The following CCSER1 variants were observed in gnomAD, a reference collection of about 807,000 sequenced individuals.
CCSER1 encodes the protein serine-rich coiled-coil domain-containing protein 1.
CCSER1 carries 41 observed loss-of-function variants against 82.0 expected under a neutral mutation model. The ratio of observed to expected loss-of-function variants is 0.50; its 90% CI spans 0.39 to 0.65. The LOEUF (loss-of-function observed/expected upper bound fraction) is 0.65, where lower values mean the gene tolerates loss of function less well. Among genes scored for constraint, CCSER1 ranks in the 30% least tolerant of loss-of-function variants. CCSER1 has a pLI of 0.00. For missense variants in CCSER1, 1,119 were observed against 1,064.2 expected (o/e 1.05, Z -0.72); for synonymous variants, 414 against 383.9 (o/e 1.08, Z -0.92).
intron 5 of CCSER1, among the ~76,000 whole-genome samples, chr4:90,481,280 T>C (rs1765914686): frequency 6.6e-6 from 1 of 152,182 alleles, no homozygotes; most frequent in African/African-American, 2.4e-5. Context: ...GCTGAGACAA[T>C]GGGGTTTTCT....
chr4:90,368,930 C>T (rs1746821320), intron 3 of CCSER1, among the ~76,000 whole-genome samples: 1 of 151,772 alleles, frequency 6.6e-6, no homozygotes, highest in South Asian at 2.1e-4. Flanking sequence ...AATACAAACC[C>T]TTAACCATTT....
intron 7 of CCSER1, among the ~76,000 whole-genome samples, chr4:90,757,578 T>C (rs1414067043): frequency 6.6e-6 from 1 of 152,204 alleles, no homozygotes; most frequent in East Asian, 1.9e-4. Context: ...AATGAGACCC[T>C]GGTTCTACGT....
intron 10 of CCSER1, among the ~76,000 whole-genome samples, chr4:91,346,885 A>G (rs1465282192): frequency 6.6e-6 from 1 of 152,142 alleles, no homozygotes; most frequent in East Asian, 1.9e-4. Flanking sequence ...GTACCAGTCC[A>G]TTATCAGATA....
intron 1 of CCSER1, among the ~76,000 whole-genome samples, chr4:90,281,688 A>G (rs76472657): frequency 1.3e-5 from 2 of 151,952 alleles, no homozygotes; most frequent in Admixed American, 6.6e-5. Context: ...GTCTATTTTT[A>G]TCTGTATTAG....
chr4:90,611,306 A>C (rs1441558797), intron 5 of CCSER1, among the ~76,000 whole-genome samples: 1 of 152,066 alleles, frequency 6.6e-6, no homozygotes, highest in Non-Finnish European at 1.5e-5. Context: ...TTTGGTTGCA[A>C]ACACTTTATT....
At chr4:91,026,557 A>T (rs1445264436) in intron 9 of CCSER1, among the ~76,000 whole-genome samples, 1 of 152,128 alleles carries the variant, frequency 6.6e-6, no homozygotes, top group Non-Finnish European at 1.5e-5. Context: ...GAAATATGTG[A>T]CTAGAAACAC....
At chr4:90,792,191 T>C (rs1320825641) in intron 7 of CCSER1, among the ~76,000 whole-genome samples, 1 of 152,172 alleles carries the variant, frequency 6.6e-6, no homozygotes, top group East Asian at 1.9e-4. Flanking sequence ...TCTGCTTTTT[T>C]TTCTCTTGGA....
At chr4:90,233,969 A>C (rs1005168228) in intron 1 of CCSER1, among the ~76,000 whole-genome samples, 5 of 152,152 alleles carry the variant, frequency 3.3e-5, no homozygotes, top group African/African-American at 1.2e-4. Context: ...CTTAATCTTG[A>C]GATGTAATAA....
rs141587334 is a variant in CCSER1 at position 91,528,583 on chromosome 4, A to G, written c.2218-69989A>G. On this transcript the variant is annotated intron_variant, in intron 10 of 10. Coordinates refer to ENST00000509176, the MANE Select transcript of CCSER1 (RefSeq NM_001145065.2). The stretch of plus-strand genomic sequence containing the variant: ...GATGACAGATATGGCATACAGATAT[A>G]TATTTTACATTTCTATATCCAGCAC... Among the ~76,000 whole-genome samples the G allele has an allele frequency of 9.8e-5, 15 of 152,330 alleles. No individual in the cohort carries two copies. In the East Asian group the frequency reaches 2.9e-3, roughly 29 times the overall value.
chr4:90,767,471 C>T (rs1751420348), intron 7 of CCSER1, among the ~76,000 whole-genome samples: 1 of 152,058 alleles, frequency 6.6e-6, no homozygotes, highest in South Asian at 2.1e-4. Flanking sequence ...TTCCAGGTTG[C>T]ACATACTGAA....
intron 5 of CCSER1, among the ~76,000 whole-genome samples, chr4:90,512,926 G>T (rs942422767): frequency 3.9e-5 from 6 of 152,024 alleles, no homozygotes; most frequent in African/African-American, 4.8e-5. Flanking sequence ...TATAATTATT[G>T]AATTTATGGT....
intron 3 of CCSER1, among the ~76,000 whole-genome samples, chr4:90,353,995 C>T (rs758182106): frequency 5.3e-5 from 8 of 152,094 alleles, no homozygotes; most frequent in Non-Finnish European, 7.3e-5. Context: ...ATCTGCACGC[C>T]GTGTTCATTG....
intron 10 of CCSER1, among the ~76,000 whole-genome samples, chr4:91,535,436 G>A (rs1208428161): frequency 1.3e-5 from 1 of 75,774 alleles, no homozygotes; most frequent in Non-Finnish European, 2.5e-5. Context: ...ATGATGAGGT[G>A]AGGAGACGGA....
rs895092143 is a variant in CCSER1 at position 91,262,170 on chromosome 4, G to A, written c.2217+176176G>A. Among the ~76,000 whole-genome samples, 12 of 152,180 alleles carry A rather than the reference G, an allele frequency of 7.9e-5. No homozygotes were observed. In the East Asian group the frequency reaches 1.3e-3, roughly 17 times the overall value. ...GTCTGTTACCAAACTATTTGGGTTC[G>A]AATCTTAGCTTACAGGTTGTGGCTC... On this transcript the variant is annotated intron_variant, in intron 10 of 10. Transcript: ENST00000509176.
chr4:91,345,269 T>C (rs910558537), intron 10 of CCSER1, among the ~76,000 whole-genome samples: 5 of 151,946 alleles, frequency 3.3e-5, no homozygotes. Flanking sequence ...CGGGTGCTTC[T>C]CCAGCTGCTC....
intron 5 of CCSER1, among the ~76,000 whole-genome samples, chr4:90,627,686 A>C (rs1206570482): frequency 6.6e-6 from 1 of 152,074 alleles, no homozygotes; most frequent in Non-Finnish European, 1.5e-5. Context: ...ATTTTAAAAA[A>C]CTACTATCAT....
intron 10 of CCSER1, among the ~76,000 whole-genome samples, chr4:91,523,859 G>A (rs571837571): frequency 3.1e-4 from 47 of 152,096 alleles, no homozygotes; most frequent in Non-Finnish European, 5.0e-4. Context: ...GGGTTTTGTT[G>A]TGTCTCTATG....
At chr4:91,162,743 G>A (rs1731563060) in intron 10 of CCSER1, among the ~76,000 whole-genome samples, 1 of 152,070 alleles carries the variant, frequency 6.6e-6, no homozygotes, top group Non-Finnish European at 1.5e-5. Flanking sequence ...ATCCTCTGAT[G>A]GTAGTTTGTA....
chr4:90,690,375 A>AT (rs1405098870), intron 6 of CCSER1, among the ~76,000 whole-genome samples: 1 of 151,894 alleles, frequency 6.6e-6, no homozygotes. Flanking sequence ...TTTGATTATC[A>AT]TTTTTTCTTT....
Sources: gnomAD v4.1 joint callset for allele counts (sites outside exome capture counted in the v4.1 genomes callset) on GRCh38, gnomAD v4.1.1 for gene constraint, MANE v1.5 for transcripts, NCBI Gene and HGNC (gene_info 2026-07-23, HGNC 2026-07-21) for gene names.